TMEM30A: variants seen among roughly 807,000 people sequenced by gnomAD.
The protein encoded by TMEM30A is cell cycle control protein 50A.
A neutral mutation model predicts 38.2 loss-of-function variants in TMEM30A; 24 were observed. That is an observed-to-expected ratio of 0.63 (90% CI 0.46 to 0.88). TMEM30A has a LOEUF of 0.88. Among genes scored for constraint, TMEM30A ranks in the 40% least tolerant of loss-of-function variants. The probability of loss-of-function intolerance (pLI) is 0.00; values close to 1 mark genes in which losing one functional copy is unlikely to be tolerated. For synonymous variants in TMEM30A, 145 were observed against 161.6 expected, an observed-to-expected ratio of 0.90 and a Z score of 0.78; for missense variants, 370 against 458.6, an observed-to-expected ratio of 0.81 and a Z score of 1.77.
At chr6:75,276,878 C>T (rs1772269243) in intron 1 of TMEM30A, among the ~76,000 whole-genome samples, 1 of 152,084 alleles carries the variant, frequency 6.6e-6, no homozygotes. Context: ...CTTTGTTGTT[C>T]CTCAAACACC....
In TMEM30A at chr6:75,284,690, C is replaced by T. The variant is rs919424729; in HGVS notation, c.-52G>A. On this transcript the variant is annotated 5_prime_UTR_variant, in exon 1 of 7. Transcript: ENST00000230461. The stretch of plus-strand genomic sequence containing the variant: ...TTGCAGGTGGACCACCCAGGGGGCC[C>T]GCCGGCTGACCCTGACAGGAACCGC... The T allele has an allele frequency of 1.3e-6, 2 of 1,584,968 alleles. No homozygotes were observed. Among genetic ancestry groups the T allele is most frequent in the Non-Finnish European group, 8.6e-7 (1 of 1,161,088 alleles).
intron 3 of TMEM30A, among the ~76,000 whole-genome samples, chr6:75,264,460 AC>A (rs1319400731): frequency 6.6e-6 from 1 of 151,674 alleles, no homozygotes; most frequent in Non-Finnish European, 1.5e-5. Flanking sequence ...GCGTGGCGAA[AC>A]CCCGTCTCTA....
chr6:75,284,441 A>G lies in TMEM30A; in HGVS notation c.198T>C (p.Ile66=). 1 of 1,614,150 alleles carries G rather than the reference A, an allele frequency of 6.2e-7. No individual in the cohort carries two copies. Among genetic ancestry groups the G allele is most frequent in the Non-Finnish European group, 8.5e-7 (1 of 1,180,030 alleles). Residue 66 remains isoleucine, a synonymous_variant, in exon 1 of 7, where the codon ATT becomes ATC. Coordinates refer to ENST00000230461, the MANE Select transcript of TMEM30A (RefSeq NM_018247.4). ...IIGLIFIPIG[I]GIFVTSNNIR... ...TGTTGTTGGAGGTGACAAAAATGCC[A>G]ATGCCGATGGGAATGAAGATGAGAC... is the stretch of plus-strand genomic sequence containing the variant.
intron 2 of TMEM30A, among the ~76,000 whole-genome samples, chr6:75,266,565 CAG>C (rs1262345625): frequency 6.6e-6 from 1 of 152,192 alleles, no homozygotes; most frequent in Non-Finnish European, 1.5e-5. Context: ...TGAAGAAACA[CAG>C]AGTCCACAAG....
chr6:75,284,036 C>G (rs867624169), intron 1 of TMEM30A, among the ~76,000 whole-genome samples: 5 of 151,430 alleles, frequency 3.3e-5, no homozygotes, highest in Admixed American at 1.3e-4. Flanking sequence ...TTGCCCCCCG[C>G]CCCCACTTCT....
chr6:75,275,074 T>C (rs1347945948), intron 1 of TMEM30A, among the ~76,000 whole-genome samples: 1 of 152,004 alleles, frequency 6.6e-6, no homozygotes, highest in Non-Finnish European at 1.5e-5. Context: ...CAACAACATT[T>C]GGCATGTTGT....
At chr6:75,260,946 T>C (rs751903952) in intron 3 of TMEM30A, 35 bp from the exon 4 acceptor site, 5 of 1,465,606 alleles carry the variant, frequency 3.4e-6, no homozygotes, top group South Asian at 2.5e-5. Flanking sequence ...GAGAAATTAT[T>C]ATCCAGGCCT....
intron 1 of TMEM30A, among the ~76,000 whole-genome samples, chr6:75,276,822 C>T: frequency 6.6e-6 from 1 of 152,128 alleles, no homozygotes; most frequent in South Asian, 2.1e-4. Flanking sequence ...TCCCAATACC[C>T]TCATCTTCTA....
At chr6:75,276,577 G>A (rs925355162) in intron 1 of TMEM30A, among the ~76,000 whole-genome samples, 3 of 152,290 alleles carry the variant, frequency 2.0e-5, no homozygotes, top group African/African-American at 7.2e-5. Flanking sequence ...GGTGTCAGAA[G>A]TGTTGAGTGG....
In TMEM30A at chr6:75,280,288, T is replaced by C. The variant is rs565680597; in HGVS notation, c.237+4114A>G. ...GCAAATGCTAACTTTGCTGGTATGA[T>C]TCATTAAAACTCTAAGTCATGGGCA... On this transcript the variant is annotated intron_variant, in intron 1 of 6. Transcript: ENST00000230461. 2.0e-5 allele frequency among the ~76,000 whole-genome samples: 3 copies of C among 152,298 alleles called. No homozygotes were observed. In the South Asian group the frequency reaches 6.2e-4, roughly 32 times the overall value.
Position 75,252,926 on chromosome 6 carries a change from T to C in TMEM30A, c.*3176A>G, listed in dbSNP as rs777309857. The C allele has an allele frequency of 6.6e-6, 1 of 152,206 alleles. No individual in the cohort carries two copies. Among genetic ancestry groups the C allele is most frequent in the African/African-American group, 2.4e-5 (1 of 41,470 alleles). The allele number at this position is 152,206 out of a possible 1,614,324, so 9.4% of individuals were successfully genotyped here. On this transcript the variant is annotated 3_prime_UTR_variant, in exon 7 of 7. Transcript: ENST00000230461. Reference sequence around the variant, plus strand: ...GAAATAAGGCCACCACGGTCTGATTTGTTTTTAGACAAGATATTTATTTTG... The same window carrying C: ...GAAATAAGGCCACCACGGTCTGATTCGTTTTTAGACAAGATATTTATTTTG...
intron 1 of TMEM30A, among the ~76,000 whole-genome samples, chr6:75,277,531 G>C (rs1207945592): frequency 1.3e-5 from 2 of 152,220 alleles, no homozygotes. Context: ...TTGAGCCCAG[G>C]AGTTTGAGGC....
chr6:75,281,690 G>C (rs1043343966), intron 1 of TMEM30A, among the ~76,000 whole-genome samples: 2 of 152,086 alleles, frequency 1.3e-5, no homozygotes, highest in African/African-American at 4.8e-5. Context: ...GGCACTTTAA[G>C]CTATATTAAA....
At chr6:75,273,108 G>A (rs1473632631) in intron 1 of TMEM30A, among the ~76,000 whole-genome samples, 1 of 152,120 alleles carries the variant, frequency 6.6e-6, no homozygotes, top group Non-Finnish European at 1.5e-5. Flanking sequence ...CTCTCTGTAC[G>A]TCCCATCCAT....
rs1771814206 is a variant in TMEM30A, at chr6:75,253,383, A to G, written c.*2719T>C. 1 of 152,292 alleles carries G rather than the reference A, an allele frequency of 6.6e-6. No homozygotes were observed. Among genetic ancestry groups the G allele is most frequent in the African/African-American group, 2.4e-5 (1 of 41,458 alleles). The allele number at this position is 152,292 out of a possible 1,614,324, so 9.4% of individuals were successfully genotyped here. A position where few individuals can be genotyped will look rare whatever the true frequency, so the allele number is the denominator to read the frequency against. Reference sequence around the variant, plus strand: ...TACCAAACTTAGCCAGTCTAACTGTAACTCAGATGATAATCTGACCACTTC... The same window carrying G: ...TACCAAACTTAGCCAGTCTAACTGTGACTCAGATGATAATCTGACCACTTC... On this transcript the variant is annotated 3_prime_UTR_variant, in exon 7 of 7. Transcript: ENST00000230461.
intron 1 of TMEM30A, among the ~76,000 whole-genome samples, chr6:75,268,659 C>G (rs950898373): frequency 3.3e-5 from 5 of 152,148 alleles, no homozygotes; most frequent in African/African-American, 1.2e-4. Flanking sequence ...GAATATATAG[C>G]CAGTTGGTCA....
At position 75,254,501 on chromosome 6, in the gene TMEM30A, C is replaced by T. The variant is rs573032073; in HGVS notation, c.*1601G>A. 4 of 152,218 alleles carry T rather than the reference C, an allele frequency of 2.6e-5. No homozygotes were observed. The East Asian group carries it at 5.8e-4, about 22-fold the overall frequency. 9.4% of individuals were successfully genotyped at this position (152,218 alleles called of 1,614,324 possible). A position where few individuals can be genotyped will look rare whatever the true frequency, so the allele number is the denominator to read the frequency against. Reference sequence around the variant, plus strand: ...AGTAATATTTTTACCAGTTAAAAGTCATTATGAAACACACATTCTTTTAAC... The same window carrying T: ...AGTAATATTTTTACCAGTTAAAAGTTATTATGAAACACACATTCTTTTAAC... On this transcript the variant is annotated 3_prime_UTR_variant, in exon 7 of 7. Transcript: ENST00000230461.
chr6:75,256,867 G>A (rs1771876337), intron 6 of TMEM30A: 1 of 424,860 alleles, frequency 2.4e-6, no homozygotes. Flanking sequence ...AGTGAAGGGT[G>A]GGCTGTTAAG....
intron 4 of TMEM30A, 74 bp from the exon 5 acceptor site, chr6:75,259,564 A>T (rs1317967845): frequency 1.5e-6 from 2 of 1,319,100 alleles, no homozygotes; most frequent in Non-Finnish European, 2.0e-6. Context: ...TCTATGAGAA[A>T]TAAGGACCTG....
Sources: allele counts gnomAD v4.1 joint callset (sites outside exome capture counted in the v4.1 genomes callset), GRCh38; gene constraint gnomAD v4.1.1; transcripts MANE v1.5; gene names NCBI Gene and HGNC (gene_info 2026-07-23, HGNC 2026-07-21).